Variants in RARB observed in about 807,000 individuals in gnomAD.
RARB encodes the protein HBV-activated protein.
RARB carries 17 observed loss-of-function variants against 51.9 expected under a neutral mutation model. The ratio of observed to expected loss-of-function variants is 0.33; its 90% CI spans 0.22 to 0.49. The LOEUF is 0.49. Among genes scored for constraint, RARB ranks in the 20% least tolerant of loss-of-function variants. The pLI is 0.99. For synonymous variants in RARB, 215 were observed against 195.4 expected, an observed-to-expected ratio of 1.10 and a Z score of -0.84; for missense variants, 369 against 550.8, an observed-to-expected ratio of 0.67 and a Z score of 3.30.
intron 5 of RARB, among the ~76,000 whole-genome samples, chr3:25,361,509 G>GT (rs902393688): frequency 2.6e-5 from 4 of 152,018 alleles, no homozygotes; most frequent in Admixed American, 1.3e-4. Flanking sequence ...TCTCCATCCA[G>GT]TTTTTTTTCC....
At chr3:25,432,244 G>C (rs905030133) in intron 1 of RARB, among the ~76,000 whole-genome samples, 3 of 152,070 alleles carry the variant, frequency 2.0e-5, no homozygotes, top group Admixed American at 6.5e-5. Context: ...TGGATAAATT[G>C]GTACATTTGA....
chr3:25,403,819 T>C (rs73820473), intron 5 of RARB, among the ~76,000 whole-genome samples: 4,734 of 141,502 alleles, frequency 0.033, 284 homozygotes, highest in African/African-American at 0.12. Context: ...TTTTATGAAA[T>C]TGGCCATCAT....
At chr3:24,946,652 T>C (rs1695781870) in intron 2 of RARB, among the ~76,000 whole-genome samples, 1 of 152,110 alleles carries the variant, frequency 6.6e-6, no homozygotes, top group African/African-American at 2.4e-5. Flanking sequence ...GAGGATTACT[T>C]GAGCCCAGGA....
intron 5 of RARB, among the ~76,000 whole-genome samples, chr3:25,379,346 C>CA (rs548196018): frequency 4.0e-5 from 6 of 151,076 alleles, no homozygotes; most frequent in Admixed American, 6.6e-5. Flanking sequence ...AACATGGAAA[C>CA]AAAAAAAAAT....
intron 5 of RARB, among the ~76,000 whole-genome samples, chr3:25,265,851 G>A (rs561744692): frequency 6.6e-6 from 1 of 152,130 alleles, no homozygotes; most frequent in Non-Finnish European, 1.5e-5. Context: ...TGTCAGCAGG[G>A]CTGGGTTCCC....
chr3:25,368,019 C>G (rs1379321211), intron 5 of RARB, among the ~76,000 whole-genome samples: 1 of 151,990 alleles, frequency 6.6e-6, no homozygotes, highest in Non-Finnish European at 1.5e-5. Flanking sequence ...ATTTTTTAAG[C>G]CTAAGTTTTT....
intron 5 of RARB, chr3:25,258,919 A>C (rs1488959160): frequency 2.7e-6 from 1 of 371,376 alleles, no homozygotes; most frequent in Non-Finnish European, 3.7e-6. Context: ...TAAGGACCCA[A>C]ATTCCTCTCA....
intron 5 of RARB, among the ~76,000 whole-genome samples, chr3:25,389,654 T>A (rs1420852052): frequency 6.6e-6 from 1 of 152,184 alleles, no homozygotes; most frequent in Non-Finnish European, 1.5e-5. Context: ...TCATTAATTT[T>A]ACAAGTATTT....
At chr3:25,160,956 G>A (rs980525994) in intron 4 of RARB, among the ~76,000 whole-genome samples, 1 of 151,994 alleles carries the variant, frequency 6.6e-6, no homozygotes, top group African/African-American at 2.4e-5. Flanking sequence ...CCTCTTGTAA[G>A]AATCCCTGTA....
At chr3:25,030,702 A>T (rs1387772199) in intron 2 of RARB, among the ~76,000 whole-genome samples, 1 of 152,158 alleles carries the variant, frequency 6.6e-6, no homozygotes, top group Non-Finnish European at 1.5e-5. Context: ...TTCCTGGAAA[A>T]GCTGTGGAGA....
intron 5 of RARB, among the ~76,000 whole-genome samples, chr3:25,304,972 G>A (rs1206967549): frequency 6.6e-6 from 1 of 152,130 alleles, no homozygotes; most frequent in Non-Finnish European, 1.5e-5. Flanking sequence ...CCTTTGACAT[G>A]TTCAGGGTTG....
chr3:25,395,476 A>G (rs1476031280), intron 5 of RARB, among the ~76,000 whole-genome samples: 1 of 152,192 alleles, frequency 6.6e-6, no homozygotes, highest in African/African-American at 2.4e-5. Flanking sequence ...ATTTTCCTCA[A>G]TTATTCCCTC....
At chr3:24,973,123 G>T (rs1436179149) in intron 2 of RARB, among the ~76,000 whole-genome samples, 2 of 152,022 alleles carry the variant, frequency 1.3e-5, no homozygotes. Flanking sequence ...TTAGATTTAA[G>T]TGTTCAATCC....
chr3:25,406,656 T>C (rs1465020181), intron 5 of RARB, among the ~76,000 whole-genome samples: 2 of 152,244 alleles, frequency 1.3e-5, no homozygotes, highest in African/African-American at 2.4e-5. Flanking sequence ...AATACAATTA[T>C]ATTCTGAGAC....
chr3:25,392,314 A>G (rs1706988145), intron 5 of RARB, among the ~76,000 whole-genome samples: 1 of 152,126 alleles, frequency 6.6e-6, no homozygotes, highest in Non-Finnish European at 1.5e-5. Context: ...GTTTGAAATC[A>G]GGTAATGTGA....
chr3:25,532,794 T>C (rs373152420), intron 3 of RARB, among the ~76,000 whole-genome samples: 2 of 152,298 alleles, frequency 1.3e-5, no homozygotes, highest in African/African-American at 4.8e-5. Flanking sequence ...TGAGAGTGGC[T>C]CAGACACCGA....
chr3:24,965,380 GA>G (rs1696233498), intron 2 of RARB, among the ~76,000 whole-genome samples: 1 of 152,190 alleles, frequency 6.6e-6, no homozygotes, highest in African/African-American at 2.4e-5. Context: ...GAGGAAGGCT[GA>G]TGACTGTCTC....
intron 2 of RARB, among the ~76,000 whole-genome samples, chr3:24,870,315 G>A (rs1427675390): frequency 1.3e-5 from 2 of 151,906 alleles, no homozygotes; most frequent in African/African-American, 4.8e-5. Context: ...ATTTGGAATT[G>A]ATGTCTGTAA....
At chr3:24,856,827 G>A (rs754706934) in intron 1 of RARB, among the ~76,000 whole-genome samples, 6 of 152,154 alleles carry the variant, frequency 3.9e-5, no homozygotes, top group Non-Finnish European at 8.8e-5. Context: ...TACTTAAGGA[G>A]TCTGTATCTC....
Sources: allele counts gnomAD v4.1 joint callset (sites outside exome capture counted in the v4.1 genomes callset), GRCh38; gene constraint gnomAD v4.1.1; transcripts MANE v1.5; gene names NCBI Gene and HGNC (gene_info 2026-07-23, HGNC 2026-07-21).